The following ANKRD30B variants were observed in gnomAD, a reference collection of about 807,000 sequenced individuals.
The protein encoded by ANKRD30B is ankyrin repeat domain 30B.
In ANKRD30B, 144 loss-of-function variants were observed where a neutral mutation model predicts 202.2. That is an observed-to-expected ratio of 0.71 (90% confidence interval 0.62 to 0.82). The LOEUF (loss-of-function observed/expected upper bound fraction) is 0.82. ANKRD30B is among the 40% of genes least tolerant of loss of function. The pLI, the probability that ANKRD30B is intolerant of heterozygous loss-of-function variation, is 0.00. For missense variants in ANKRD30B, 1,487 were observed against 1,669.1 expected, an observed-to-expected ratio of 0.89 and a Z score of 1.90; for synonymous variants, 508 against 561.3, an observed-to-expected ratio of 0.91 and a Z score of 1.34.
the ANKRD30B span, among the ~76,000 whole-genome samples, chr18:14,924,259 C>T: frequency 6.6e-6 from 1 of 152,224 alleles, no homozygotes; most frequent in African/African-American, 2.4e-5. Context: ...TCCAATCACT[C>T]AATTTCCAAG....
At chr18:14,753,182 A>T (rs942537230) in intron 3 of ANKRD30B, among the ~76,000 whole-genome samples, 170 bp downstream of exon 3, 2 of 152,200 alleles carry the variant, frequency 1.3e-5, no homozygotes, top group African/African-American at 2.4e-5. Flanking sequence ...TAAAAGAACT[A>T]TTAGAGAGTA....
chr18:14,810,184 A>G lies in ANKRD30B; in HGVS notation c.2488+4A>G, dbSNP rs1163550207. The G allele has an allele frequency of 1.2e-5, 17 of 1,363,274 alleles. 1 individual carries two copies. Among genetic ancestry groups the G allele is most frequent in the Non-Finnish European group, 1.5e-5 (15 of 999,296 alleles). The allele number at this position is 1,363,274 out of a possible 1,614,324, so 84.4% of individuals were successfully genotyped here. A position where few individuals can be genotyped will look rare whatever the true frequency, so the allele number is the denominator to read the frequency against. ...GACAGAGAAACATTAAAAGCAGGTA[A>G]ACTTTGTAATTTAAATTTTACTCTG... On this transcript the variant is annotated splice_donor_region_variant and intron_variant, in intron 28 of 43. Transcript: ENST00000690538.
At chr18:14,938,320 C>A in the ANKRD30B span, among the ~76,000 whole-genome samples, 2 of 152,210 alleles carry the variant, frequency 1.3e-5, no homozygotes, top group Non-Finnish European at 2.9e-5. Context: ...ACTAAGTATT[C>A]TCTTCTTTTC....
In ANKRD30B at chr18:14,763,970, TC is replaced by T; in HGVS notation, c.1106del (p.Ser369LeufsTer2). On this transcript the variant is annotated frameshift_variant, in exon 7 of 44. Transcript: ENST00000690538. LOFTEE classifies it high-confidence loss of function. ...RKITWEEKET[S>X]VKTECVAGVT... ...GATCACATGGGAGGAAAAAGAAACA[TC>T]TGTAAAGACTGAATGCGTGGCAGGA... 6.2e-7 allele frequency: 1 copy of T among 1,606,442 alleles called. No homozygotes were observed. The highest frequency in any genetic ancestry group is 1.1e-5 in the South Asian group (1 of 89,926).
At chr18:14,778,159 G>T in intron 10 of ANKRD30B, 84 bp downstream of exon 10, 3 of 910,528 alleles carry the variant, frequency 3.3e-6, no homozygotes, top group Non-Finnish European at 5.1e-6. Flanking sequence ...GACAGCCAGA[G>T]AAAATTATTT....
intron 40 of ANKRD30B, among the ~76,000 whole-genome samples, chr18:14,849,665 G>A (rs1177472710): frequency 6.6e-6 from 1 of 151,450 alleles, no homozygotes; most frequent in East Asian, 1.9e-4. Flanking sequence ...AACAAGATAT[G>A]TTTAACTCTT....
rs184926918 is a variant in ANKRD30B, at chr18:14,799,250, C to T, written c.2086C>T (p.Pro696Ser). 1,244 of 1,556,482 alleles carry T rather than the reference C, an allele frequency of 8.0e-4. 10 individuals are homozygous for T. Among genetic ancestry groups the T allele is most frequent in the Non-Finnish European group, 1.0e-3 (1,168 of 1,152,822 alleles). Reference sequence around the variant, plus strand: ...TACCTGTGGAAGGAAAGTTTCTCTTCCAAATAAAGCTTTAGAATTGAAGGA... The same window carrying T: ...TACCTGTGGAAGGAAAGTTTCTCTTTCAAATAAAGCTTTAGAATTGAAGGA... ...KPTCGRKVSL[P>S]NKALELKDRE... The change falls in exon 22 of 44, where the codon CCA becomes TCA. Residue 696 changes from proline (P) to serine (S), a missense_variant. Coordinates refer to ENST00000690538, the MANE Select transcript of ANKRD30B (RefSeq NM_001367607.2).
chr18:14,758,920 T>A (rs1914818057), intron 5 of ANKRD30B, among the ~76,000 whole-genome samples: 1 of 152,198 alleles, frequency 6.6e-6, no homozygotes, highest in African/African-American at 2.4e-5. Context: ...GAAGGTCTCA[T>A]CTTATTCTGT....
chr18:14,882,173 G>T, the ANKRD30B span, among the ~76,000 whole-genome samples: 8 of 152,118 alleles, frequency 5.3e-5, no homozygotes, highest in African/African-American at 1.7e-4. Context: ...GCTTGTTCCT[G>T]CTTCTCTGGT....
In ANKRD30B at chr18:14,808,804, C is replaced by T. The variant is rs1258167337; in HGVS notation, c.2386+60C>T. Reference sequence around the variant, plus strand: ...AAGAATATTAAACTATTTGAAATGCCAAGAGCCTTTTATTCCCAATGTTGT... The same window carrying T: ...AAGAATATTAAACTATTTGAAATGCTAAGAGCCTTTTATTCCCAATGTTGT... On this transcript the variant is annotated intron_variant, in intron 26 of 43. Coordinates refer to ENST00000690538, the MANE Select transcript of ANKRD30B (RefSeq NM_001367607.2). The T allele has an allele frequency of 8.7e-6, 12 of 1,383,018 alleles. 1 individual carries two copies. The highest frequency in any genetic ancestry group is 4.4e-5 in the African/African-American group (3 of 67,550). 85.7% of individuals were successfully genotyped at this position (1,383,018 alleles called of 1,614,324 possible).
the ANKRD30B span, among the ~76,000 whole-genome samples, chr18:14,883,369 G>GTCTGTCTCTCTCTCTCTCTC: frequency 1.2e-5 from 1 of 84,622 alleles, no homozygotes; most frequent in African/African-American, 5.7e-5. Flanking sequence ...CTGTCTGTCT[G>GTCTGTCTCTCTCTCTCTCTC]TCTCTCTCTC....
chr18:14,934,107 C>T, the ANKRD30B span, among the ~76,000 whole-genome samples: 3 of 152,246 alleles, frequency 2.0e-5, no homozygotes, highest in African/African-American at 7.2e-5. Flanking sequence ...GGGGTCCACC[C>T]ACAGCCTCAC....
At chr18:14,916,847 A>T in the ANKRD30B span, among the ~76,000 whole-genome samples, 1 of 152,064 alleles carries the variant, frequency 6.6e-6, no homozygotes. Flanking sequence ...GATCCTGCAA[A>T]GTGAGCACTG....
At chr18:14,902,057 T>C in the ANKRD30B span, among the ~76,000 whole-genome samples, 1 of 151,754 alleles carries the variant, frequency 6.6e-6, no homozygotes. Flanking sequence ...CAAGGAAAAA[T>C]GAGGATGATG....
intron 15 of ANKRD30B, among the ~76,000 whole-genome samples, chr18:14,788,807 G>A (rs1968266912): frequency 1.3e-5 from 2 of 151,998 alleles, no homozygotes; most frequent in South Asian, 2.1e-4. Flanking sequence ...TTGGACATTT[G>A]GGTTGGTTCC....
the ANKRD30B span, among the ~76,000 whole-genome samples, chr18:14,924,496 G>C: frequency 3.3e-5 from 5 of 152,206 alleles, no homozygotes; most frequent in African/African-American, 1.2e-4. Context: ...TCCACACCAA[G>C]CTCCATCCTC....
chr18:14,929,790 CATGTGTGTGTGT>C, the ANKRD30B span, among the ~76,000 whole-genome samples: 1 of 151,954 alleles, frequency 6.6e-6, no homozygotes, highest in Non-Finnish European at 1.5e-5. Context: ...TATGTGCATG[CATGTGTGTGTGT>C]ATGTGTGTGT....
rs1482694892 is a variant in ANKRD30B, at chr18:14,787,115, T to C, written c.1734+15T>C. The C allele has an allele frequency of 1.9e-6, 3 of 1,596,878 alleles. No homozygotes were observed. The African/African-American group carries it at 4.0e-5, about 22-fold the overall frequency. On this transcript the variant is annotated intron_variant, in intron 15 of 43. Coordinates refer to ENST00000690538, the MANE Select transcript of ANKRD30B (RefSeq NM_001367607.2). ...GGGATTCTGAGGTACTATGTGTTAT[T>C]GATTTTTTTAAATATTAGTATTGCA...
intron 16 of ANKRD30B, among the ~76,000 whole-genome samples, chr18:14,794,633 C>T (rs931800573): frequency 7.2e-5 from 11 of 152,274 alleles, no homozygotes; most frequent in African/African-American, 2.2e-4. Flanking sequence ...ATCTTCTCAT[C>T]GTAATTAAAG....
Sources: gnomAD v4.1 joint callset for allele counts (sites outside exome capture counted in the v4.1 genomes callset) on GRCh38, gnomAD v4.1.1 for gene constraint, MANE v1.5 for transcripts, NCBI Gene and HGNC (gene_info 2026-07-23, HGNC 2026-07-21) for gene names.